The following ATG2A variants were observed in gnomAD, a reference collection of about 807,000 sequenced individuals.
The protein encoded by ATG2A is autophagy related 2A.
A neutral mutation model predicts 214.2 loss-of-function variants in ATG2A; 103 were observed. The observed-to-expected ratio is 0.48, with a 90% CI of 0.41 to 0.57. ATG2A has a LOEUF of 0.57. Ranked by LOEUF, ATG2A falls within the 20% of genes least tolerant of loss-of-function variation. The pLI is 0.00. For missense variants in ATG2A, 2,312 were observed against 2,613.2 expected, an observed-to-expected ratio of 0.88 and a Z score of 2.51; for synonymous variants, 1,160 against 1,142.1, an observed-to-expected ratio of 1.02 and a Z score of -0.32.
intron 31 of ATG2A, 122 bp downstream of exon 31, chr11:64,900,372 G>C (rs749475824): frequency 2.4e-5 from 36 of 1,478,254 alleles, no homozygotes; most frequent in Non-Finnish European, 3.2e-5. Flanking sequence ...TCCCTGCCTG[G>C]CTTCCTCCAC....
In ATG2A at chr11:64,901,021, T is replaced by A; in HGVS notation, c.4191A>T (p.Ser1397=). Reference sequence around the variant, plus strand: ...GCAAGTCCGTGCTGCCGATCGGCCGTGAGAAGTAACCGTCCCTCACAACGA... The same window carrying A: ...GCAAGTCCGTGCTGCCGATCGGCCGAGAGAAGTAACCGTCCCTCACAACGA... ...GPIVVRDGYF[S]RPIGSTDLLR... The change falls in exon 30 of 41, where the codon TCA becomes TCT. Residue 1397 remains serine, a synonymous_variant. Transcript: ENST00000377264. 1 of 1,590,400 alleles carries A rather than the reference T, an allele frequency of 6.3e-7. No individual in the cohort carries two copies. Among genetic ancestry groups the A allele is most frequent in the South Asian group, 1.1e-5 (1 of 87,634 alleles).
chr11:64,910,804 C>T lies in ATG2A; in HGVS notation c.1614+3G>A, dbSNP rs1316052440. On this transcript the variant is annotated splice_donor_region_variant and intron_variant, in intron 11 of 40. Coordinates refer to ENST00000377264, the MANE Select transcript of ATG2A (RefSeq NM_015104.3). ...CTCGTACACATTCTGCCTCTGCCCT[C>T]ACCTCCGTGTACTCAGGCTCAGAGG... The T allele has an allele frequency of 6.2e-7, 1 of 1,610,454 alleles. No homozygotes were observed. Among genetic ancestry groups the T allele is most frequent in the South Asian group, 1.1e-5 (1 of 90,468 alleles).
chr11:64,898,067 C>T lies in ATG2A; in HGVS notation c.4858+19G>A, dbSNP rs1565740223. Reference sequence around the variant, plus strand: ...AGGCAGAAGGCCCAGACGCTCCCCTCCCTGGCCCAGCCTCTCACCCTCAGC... The same window carrying T: ...AGGCAGAAGGCCCAGACGCTCCCCTTCCTGGCCCAGCCTCTCACCCTCAGC... On this transcript the variant is annotated intron_variant, in intron 34 of 40. Transcript: ENST00000377264. This position sits in a 1 kb window ranked among gnomAD's most constrained non-coding sequence, Gnocchi z 4.5. 1.5e-5 allele frequency: 25 copies of T among 1,613,320 alleles called. No individual in the cohort carries two copies. The highest frequency in any genetic ancestry group is 2.0e-5 in the Non-Finnish European group (24 of 1,179,766).
At chr11:64,896,247 G>A (rs931576073) in intron 39 of ATG2A, among the ~76,000 whole-genome samples, 2 of 152,230 alleles carry the variant, frequency 1.3e-5, no homozygotes, top group Non-Finnish European at 2.9e-5. Context: ...GGGCACTCCC[G>A]CTCCTGCATG....
rs752961526 is a variant in ATG2A, at chr11:64,913,895, C to T, written c.516G>A (p.Leu172=). The T allele has an allele frequency of 3.1e-6, 5 of 1,614,048 alleles. No homozygotes were observed. The highest frequency in any genetic ancestry group is 4.2e-6 in the Non-Finnish European group (5 of 1,180,014). Residue 172 remains leucine, a synonymous_variant, in exon 4 of 41, where the codon CTG becomes CTA. Coordinates refer to ENST00000377264, the MANE Select transcript of ATG2A (RefSeq NM_015104.3). This position sits in a 1 kb window ranked among gnomAD's most constrained non-coding sequence, Gnocchi z 4.3. ...TVLRRIKVTF[L]DTVVRVEHSP... ...AGTGCTCCACCCTCACGACAGTGTC[C>T]AGGAAGGTCACTTTGATCCTCCGAA...
Position 64,911,005 on chromosome 11 carries a change from G to A in ATG2A, c.1466+33C>T, listed in dbSNP as rs761183872. 2.5e-6 allele frequency: 4 copies of A among 1,613,712 alleles called. No homozygotes were observed. In the South Asian group the frequency reaches 3.3e-5, roughly 13 times the overall value. On this transcript the variant is annotated intron_variant, in intron 10 of 40. Coordinates refer to ENST00000377264, the MANE Select transcript of ATG2A (RefSeq NM_015104.3). Reference sequence around the variant, plus strand: ...AAGGTGCACTTAGGGGGCTCTGATGGTCTCTCCTCAGGCCCTGGCCTCGGG... The same window carrying A: ...AAGGTGCACTTAGGGGGCTCTGATGATCTCTCCTCAGGCCCTGGCCTCGGG...
In ATG2A at chr11:64,913,978, AT is replaced by A. The variant is rs1258083351; in HGVS notation, c.488-56del. Reference sequence around the variant, plus strand: ...GGTAGAGCAGCAAAGGGGAGGCAGAATTTCCCATCTGGGCACCAGGGTGGCC... The same window carrying A: ...GGTAGAGCAGCAAAGGGGAGGCAGAATTCCCATCTGGGCACCAGGGTGGCC... On this transcript the variant is annotated intron_variant, in intron 3 of 40. Transcript: ENST00000377264. The surrounding 1 kb of genome is among the most constrained non-coding windows in gnomAD (Gnocchi z 4.3). 10 of 1,593,994 alleles carry A rather than the reference AT, an allele frequency of 6.3e-6. No homozygotes were observed. The highest frequency in any genetic ancestry group is 1.1e-5 in the South Asian group (1 of 89,150).
Position 64,906,198 on chromosome 11 carries a change from G to A in ATG2A, c.3184-5C>T. ...CCGCAGTGTCACCAGGAACTCCTGA[G>A]GGTGGGGGCGCAGTCAGGGCAGTGG... On this transcript the variant is annotated splice_polypyrimidine_tract_variant and splice_region_variant and intron_variant, in intron 21 of 40. Coordinates refer to ENST00000377264, the MANE Select transcript of ATG2A (RefSeq NM_015104.3). 1 of 1,611,290 alleles carries A rather than the reference G, an allele frequency of 6.2e-7. No individual in the cohort carries two copies. The highest frequency in any genetic ancestry group is 2.2e-5 in the East Asian group (1 of 44,816).
chr11:64,911,250 C>G lies in ATG2A; in HGVS notation c.1254G>C (p.Leu418=). Residue 418 remains leucine, a synonymous_variant, in exon 10 of 41, where the codon CTG becomes CTC. Transcript: ENST00000377264. The part of the protein sequence containing the change: ...PAGKMAPNPL[L]DTMRPDSLLK... Reference sequence around the variant, plus strand: ...GCAGCGAGTCAGGGCGCATGGTGTCCAGGAGGGGGTTGGGGGCCATCTTGC... The same window carrying G: ...GCAGCGAGTCAGGGCGCATGGTGTCGAGGAGGGGGTTGGGGGCCATCTTGC... 6.2e-7 allele frequency: 1 copy of G among 1,613,866 alleles called. No homozygotes were observed. The highest frequency in any genetic ancestry group is 1.1e-5 in the South Asian group (1 of 91,076).
In ATG2A at chr11:64,902,144, C is replaced by T. The variant is rs766201502; in HGVS notation, c.3937G>A (p.Val1313Ile). 11 of 1,613,308 alleles carry T rather than the reference C, an allele frequency of 6.8e-6. No homozygotes were observed. Among genetic ancestry groups the T allele is most frequent in the African/African-American group, 2.7e-5 (2 of 74,904 alleles). ...CTCCGTTCACCTGGGAATAGGTAGA[C>T]GGAGATGGGCGACGCCTGAGGGAGG... is the stretch of plus-strand genomic sequence containing the variant. ...GHLPQASPIS[V>I]YLFPGERSGA... is the part of the protein sequence containing the mutation. The change falls in exon 29 of 41, where the codon GTC (valine) becomes ATC (isoleucine). Residue 1313 changes from valine to isoleucine, a missense_variant. Coordinates refer to ENST00000377264, the MANE Select transcript of ATG2A (RefSeq NM_015104.3).
At position 64,906,046 on chromosome 11, in the gene ATG2A, G is replaced by C; in HGVS notation, c.3264+67C>G. On this transcript the variant is annotated intron_variant, in intron 22 of 40. Coordinates refer to ENST00000377264, the MANE Select transcript of ATG2A (RefSeq NM_015104.3). ...TCCCACCGGCCTCCTCCCACCTAGA[G>C]ACCTGCTTGCCCAAAACAGAAGTCC... is the stretch of plus-strand genomic sequence containing the variant. 3 of 1,519,160 alleles carry C rather than the reference G, an allele frequency of 2.0e-6. No homozygotes were observed. In the South Asian group the frequency reaches 3.7e-5, roughly 19 times the overall value. 94.1% of individuals were successfully genotyped at this position (1,519,160 alleles called of 1,614,324 possible).
chr11:64,913,116 G>A lies in ATG2A; in HGVS notation c.747C>T (p.Pro249=). The A allele has an allele frequency of 6.3e-7, 1 of 1,578,702 alleles. No homozygotes were observed. The highest frequency in any genetic ancestry group is 8.6e-7 in the Non-Finnish European group (1 of 1,158,920). The change falls in exon 6 of 41, where the codon CCC becomes CCT. Residue 249 remains proline, a synonymous_variant. Coordinates refer to ENST00000377264, the MANE Select transcript of ATG2A (RefSeq NM_015104.3). The surrounding 1 kb of genome is among the most constrained non-coding windows in gnomAD (Gnocchi z 4.3). ...LPAQEEPPEP[P]LQIGSCSGYM... is the part of the protein sequence containing the mutation. ...ACCCTGAGCAGCTGCCGATCTGCAA[G>A]GGGGGCTCTGGAGGCTCTTCCTGGG... is the stretch of plus-strand genomic sequence containing the variant.
chr11:64,910,835 C>G lies in ATG2A; in HGVS notation c.1586G>C (p.Arg529Pro). Residue 529 changes from arginine (R) to proline (P), a missense_variant, in exon 11 of 41, where the codon CGG becomes CCG. Transcript: ENST00000377264. ...QLEVLECLWP[R>P]GTSEPEYTEI... ...CGTGTACTCAGGCTCAGAGGTGCCC[C>G]GGGGCCACAGACACTCCAGCACCTC... The G allele has an allele frequency of 6.2e-7, 1 of 1,608,988 alleles. No individual in the cohort carries two copies. Among genetic ancestry groups the G allele is most frequent in the Non-Finnish European group, 8.5e-7 (1 of 1,178,156 alleles).
chr11:64,906,100 C>CA lies in ATG2A; in HGVS notation c.3264+12dup. The CA allele has an allele frequency of 6.4e-7, 1 of 1,563,214 alleles. No individual in the cohort carries two copies. Among genetic ancestry groups the CA allele is most frequent in the Non-Finnish European group, 8.7e-7 (1 of 1,153,112 alleles). On this transcript the variant is annotated intron_variant, in intron 22 of 40. Coordinates refer to ENST00000377264, the MANE Select transcript of ATG2A (RefSeq NM_015104.3). ...GTCACTGGGCCATGTGGCTTCCCAC[C>CA]ACCCACGCTCACCTGGGAATGCCAG...
intron 28 of ATG2A, 23 bp from the exon 29 acceptor site, chr11:64,902,199 G>A (rs1374798142): frequency 6.2e-7 from 1 of 1,612,778 alleles, no homozygotes; most frequent in East Asian, 2.2e-5. Context: ...GGCCAGTTTG[G>A]AGAGGCGCCC....
In ATG2A at chr11:64,911,202, C is replaced by T. The variant is rs776088186; in HGVS notation, c.1302G>A (p.Val434=). Residue 434 remains valine, a synonymous_variant, in exon 10 of 41, where the codon GTG becomes GTA. Coordinates refer to ENST00000377264, the MANE Select transcript of ATG2A (RefSeq NM_015104.3). ...DSLLKMTLGG[V]TLTLLQTSAP... ...CAGACGTCTGAAGCAAGGTCAGGGTCACACCCCCCAAGGTCATCTTCAGCA... is the reference window on the plus strand; with the variant it reads ...CAGACGTCTGAAGCAAGGTCAGGGTTACACCCCCCAAGGTCATCTTCAGCA... The T allele has an allele frequency of 6.2e-7, 1 of 1,614,114 alleles. No homozygotes were observed. The highest frequency in any genetic ancestry group is 8.5e-7 in the Non-Finnish European group (1 of 1,180,022).
At chr11:64,896,021 G>A (rs958541365) in intron 39 of ATG2A, among the ~76,000 whole-genome samples, 7 of 152,204 alleles carry the variant, frequency 4.6e-5, no homozygotes, top group African/African-American at 1.7e-4. Context: ...TAGCCGCCTA[G>A]GACCATCGAT....
At position 64,917,203 on chromosome 11, in the gene ATG2A, G is replaced by A; in HGVS notation, c.-68C>T. On this transcript the variant is annotated 5_prime_UTR_variant, in exon 1 of 41. Transcript: ENST00000377264. The stretch of plus-strand genomic sequence containing the variant: ...CCGGCGATCCCCGTCCGGCTCCGCT[G>A]TTCACTAGAGCCCCCGGCTCGCCCC... 1 of 1,471,150 alleles carries A rather than the reference G, an allele frequency of 6.8e-7. No individual in the cohort carries two copies. The highest frequency in any genetic ancestry group is 1.3e-5 in the South Asian group (1 of 76,916). 91.1% of individuals were successfully genotyped at this position (1,471,150 alleles called of 1,614,324 possible).
At chr11:64,915,776 C>A (rs1419963585) in intron 1 of ATG2A, among the ~76,000 whole-genome samples, 2 of 152,084 alleles carry the variant, frequency 1.3e-5, no homozygotes, top group African/African-American at 2.4e-5. Flanking sequence ...GGGTTCAAGG[C>A]TAGCCTGGGC....
Sources: gnomAD v4.1 joint callset for allele counts (sites outside exome capture counted in the v4.1 genomes callset) on GRCh38, gnomAD v4.1.1 for gene constraint, Gnocchi (gnomAD v3.1) non-coding constraint, MANE v1.5 for transcripts, NCBI Gene and HGNC (gene_info 2026-07-23, HGNC 2026-07-21) for gene names.